The following ZNF722 variants were observed in gnomAD, a reference collection of about 807,000 sequenced individuals.
ZNF722 encodes zinc finger protein 722.
the ZNF722 span, among the ~76,000 whole-genome samples, chr7:64,002,431 T>A: frequency 2.6e-5 from 4 of 152,328 alleles, no homozygotes; most frequent in East Asian, 3.9e-4. Flanking sequence ...TTTCAAAAAA[T>A]TTTTTGTGTC....
the ZNF722 span, among the ~76,000 whole-genome samples, chr7:64,005,283 G>T: frequency 2.0e-5 from 3 of 151,964 alleles, no homozygotes; most frequent in Admixed American, 2.0e-4. Context: ...TTGGGCAACA[G>T]AGTGAAACTC....
chr7:64,015,467 T>A, the ZNF722 span: 1 of 1,611,554 alleles, frequency 6.2e-7, no homozygotes, highest in Non-Finnish European at 8.5e-7. Context: ...ATAAAAGAAT[T>A]CATACTGGAG....
chr7:64,011,483 T>G, the ZNF722 span, among the ~76,000 whole-genome samples: 7 of 152,210 alleles, frequency 4.6e-5, no homozygotes, highest in African/African-American at 1.2e-4. Flanking sequence ...GTCTGTAAAG[T>G]ATTTTATTTC....
At chr7:64,015,956 T>C in the ZNF722 span, 1 of 1,190,914 alleles carries the variant, frequency 8.4e-7, no homozygotes, top group South Asian at 1.4e-5. Context: ...TTATAATACA[T>C]ACAATAATTT....
the ZNF722 span, among the ~76,000 whole-genome samples, chr7:64,009,084 A>C: frequency 6.6e-6 from 1 of 152,110 alleles, no homozygotes. Flanking sequence ...TGATTTTTGC[A>C]CATTGGTTTT....
At chr7:64,000,138 G>GTT in the ZNF722 span, among the ~76,000 whole-genome samples, 1,281 of 140,694 alleles carry the variant, frequency 9.1e-3, 9 homozygotes, top group Non-Finnish European at 0.016. Context: ...TTTTTTGTGT[G>GTT]TGTGTGTGTG....
chr7:64,014,293 A>T, the ZNF722 span, among the ~76,000 whole-genome samples: 6 of 151,964 alleles, frequency 3.9e-5, no homozygotes, highest in South Asian at 1.2e-3. Flanking sequence ...CATTGAGCAA[A>T]ATACGGATTA....
the ZNF722 span, among the ~76,000 whole-genome samples, chr7:64,007,861 A>T: frequency 1.3e-5 from 2 of 152,210 alleles, no homozygotes; most frequent in African/African-American, 4.8e-5. Flanking sequence ...TCCCACCAAC[A>T]GTGTAAAAGT....
chr7:64,007,724 G>C, the ZNF722 span, among the ~76,000 whole-genome samples: 1 of 152,152 alleles, frequency 6.6e-6, no homozygotes, highest in Non-Finnish European at 1.5e-5. Context: ...TGTCTTTATA[G>C]TAGCATGATT....
chr7:64,014,565 T>C, the ZNF722 span, among the ~76,000 whole-genome samples: 1 of 152,178 alleles, frequency 6.6e-6, no homozygotes, highest in East Asian at 1.9e-4. Context: ...GTCTGCAATT[T>C]TGTATTTATT....
the ZNF722 span, chr7:64,015,604 G>A: frequency 1.9e-5 from 31 of 1,613,514 alleles, no homozygotes; most frequent in Middle Eastern, 1.6e-4. Flanking sequence ...GCTTTTAGGC[G>A]CTCCTCAACA....
chr7:64,014,707 T>C, the ZNF722 span, among the ~76,000 whole-genome samples: 1 of 152,232 alleles, frequency 6.6e-6, no homozygotes, highest in Non-Finnish European at 1.5e-5. Flanking sequence ...GACTTAAAGC[T>C]GTCATTAAAG....
At chr7:64,005,047 C>T in the ZNF722 span, among the ~76,000 whole-genome samples, 1 of 152,128 alleles carries the variant, frequency 6.6e-6, no homozygotes. Flanking sequence ...ATAGACATGT[C>T]CCGCACTTTG....
chr7:64,015,984 T>C, the ZNF722 span: 1 of 1,034,092 alleles, frequency 9.7e-7, no homozygotes, highest in Non-Finnish European at 1.4e-6. Flanking sequence ...AAAAAAACAC[T>C]ACAAGTGTAG....
At chr7:64,003,311 G>A in the ZNF722 span, among the ~76,000 whole-genome samples, 2 of 152,154 alleles carry the variant, frequency 1.3e-5, no homozygotes, top group African/African-American at 4.8e-5. Flanking sequence ...AATCTTTTCA[G>A]TTATAAACAA....
chr7:64,015,061 C>T, the ZNF722 span: 775,768 of 1,339,448 alleles, frequency 0.58, 232,484 homozygotes, highest in Non-Finnish European at 0.62. Flanking sequence ...GACCTTCATC[C>T]AGAGCAGGGC....
the ZNF722 span, among the ~76,000 whole-genome samples, chr7:63,999,237 G>T: frequency 6.6e-6 from 1 of 152,152 alleles, no homozygotes; most frequent in Non-Finnish European, 1.5e-5. Flanking sequence ...TGGACTGGAG[G>T]CCTCTCTGGG....
chr7:63,999,044 G>T, the ZNF722 span: 1 of 1,561,326 alleles, frequency 6.4e-7, no homozygotes, highest in South Asian at 1.1e-5. Context: ...GGAGACGGTT[G>T]GAACCGGCTG....
At chr7:64,012,522 CA>C in the ZNF722 span, among the ~76,000 whole-genome samples, 1 of 152,148 alleles carries the variant, frequency 6.6e-6, no homozygotes, top group Non-Finnish European at 1.5e-5. Flanking sequence ...TTCCTTCCAA[CA>C]GTCAAGTCCC....
Sources: gnomAD v4.1 joint callset for allele counts (sites outside exome capture counted in the v4.1 genomes callset) on GRCh38, gnomAD v4.1.1 for gene constraint, MANE v1.5 for transcripts, NCBI Gene and HGNC (gene_info 2026-07-23, HGNC 2026-07-21) for gene names.